Variants in MLLT10 observed in about 807,000 individuals in gnomAD.
MLLT10 encodes the protein MLLT10 histone lysine methyltransferase DOT1L cofactor.
A neutral mutation model predicts 129.1 loss-of-function variants in MLLT10; 30 were observed. That is an observed-to-expected ratio of 0.23 (90% CI 0.17 to 0.32). The LOEUF (loss-of-function observed/expected upper bound fraction) is 0.32, where lower values mean the gene tolerates loss of function less well. MLLT10 is among the 10% of genes least tolerant of loss of function. MLLT10 has a pLI of 1.00. For missense variants in MLLT10, 1,119 were observed against 1,268.3 expected (o/e 0.88, Z 1.79); for synonymous variants, 490 against 446.4 (o/e 1.10, Z -1.23).
intron 3 of MLLT10, among the ~76,000 whole-genome samples, chr10:21,559,425 A>T (rs567434072): frequency 6.6e-6 from 1 of 152,226 alleles, no homozygotes; most frequent in Non-Finnish European, 1.5e-5. Context: ...ATCCATGAAC[A>T]TGGTAATCTG....
intron 3 of MLLT10, among the ~76,000 whole-genome samples, chr10:21,585,672 C>T (rs1297100903): frequency 3.3e-5 from 5 of 152,154 alleles, no homozygotes; most frequent in Admixed American, 1.3e-4. Flanking sequence ...GTTGAGAGGA[C>T]CTTTTTGTTT....
chr10:21,637,562 G>A (rs191137967), intron 8 of MLLT10, among the ~76,000 whole-genome samples: 1 of 152,176 alleles, frequency 6.6e-6, no homozygotes, highest in Non-Finnish European at 1.5e-5. Flanking sequence ...GAGCTATTGA[G>A]ACTGAGGCTT....
At chr10:21,732,700 G>A (rs2058063447) in intron 17 of MLLT10, among the ~76,000 whole-genome samples, 199 bp from the exon 18 acceptor site, 1 of 152,084 alleles carries the variant, frequency 6.6e-6, no homozygotes, top group Admixed American at 6.5e-5. Flanking sequence ...CTTTGCCTTT[G>A]TGCTTATAAA....
intron 3 of MLLT10, among the ~76,000 whole-genome samples, chr10:21,580,349 C>T (rs1342228683): frequency 2.7e-5 from 4 of 150,350 alleles, no homozygotes; most frequent in Admixed American, 1.3e-4. Context: ...CACTCATAAT[C>T]TTACCATCCT....
At chr10:21,628,172 A>G (rs1201539774) in intron 8 of MLLT10, among the ~76,000 whole-genome samples, 1 of 152,160 alleles carries the variant, frequency 6.6e-6, no homozygotes, top group Non-Finnish European at 1.5e-5. Context: ...CAGCGCCTGC[A>G]TTTTCAGGTT....
In MLLT10 at chr10:21,612,196, CA is replaced by C. The variant is rs796679306; in HGVS notation, c.406-147del. 4.6e-5 allele frequency: 24 copies of C among 522,818 alleles called. 1 individual carries two copies. The Admixed American group carries it at 6.6e-4, about 14-fold the overall frequency. 32.4% of individuals were successfully genotyped at this position (522,818 alleles called of 1,614,324 possible). Reference sequence around the variant, plus strand: ...TATATTTTTCTGTTTGTATTGTATGCAAAAATTAGATTATTGTCCAAAATGA... The same window carrying C: ...TATATTTTTCTGTTTGTATTGTATGCAAAATTAGATTATTGTCCAAAATGA... On this transcript the variant is annotated intron_variant, in intron 5 of 22. Transcript: ENST00000307729.
intron 3 of MLLT10, among the ~76,000 whole-genome samples, chr10:21,582,710 C>T (rs570756765): frequency 4.2e-4 from 64 of 152,134 alleles, no homozygotes; most frequent in Non-Finnish European, 7.8e-4. Context: ...AGAGGAAGGG[C>T]ACAATACAGT....
chr10:21,721,424 A>G (rs1463130338), intron 14 of MLLT10, among the ~76,000 whole-genome samples: 2 of 152,318 alleles, frequency 1.3e-5, no homozygotes, highest in East Asian at 3.9e-4. Flanking sequence ...TAAGTTTCAC[A>G]TTCAGTTAAT....
chr10:21,635,906 G>A (rs1262861860), intron 8 of MLLT10, among the ~76,000 whole-genome samples: 16 of 148,268 alleles, frequency 1.1e-4, no homozygotes, highest in Middle Eastern at 3.5e-3. Context: ...GATTACAAGC[G>A]TGAGCCGCTG....
rs1400273409 is a variant in MLLT10, at chr10:21,534,308, C to CG, written c.-213_-212insG. On this transcript the variant is annotated 5_prime_UTR_variant, in exon 1 of 23. Coordinates refer to ENST00000307729, the MANE Select transcript of MLLT10 (RefSeq NM_001195626.3). ...TCGCTGCCCCTGGCCCAGCGGGAGC[C>CG]CCCCCTCCCCCCAGTGCGCCTGTGC... 12 of 381,872 alleles carry CG rather than the reference C, an allele frequency of 3.1e-5. No individual in the cohort carries two copies. Among genetic ancestry groups the CG allele is most frequent in the Non-Finnish European group, 5.2e-5 (11 of 213,382 alleles). The allele number at this position is 381,872 out of a possible 1,614,324, so 23.7% of individuals were successfully genotyped here.
At chr10:21,687,662 G>C (rs141756328) in intron 13 of MLLT10, among the ~76,000 whole-genome samples, 1 of 152,120 alleles carries the variant, frequency 6.6e-6, no homozygotes, top group Non-Finnish European at 1.5e-5. Context: ...GGATAATTAG[G>C]TTAAAAAAAG....
chr10:21,636,560 A>T (rs960900850), intron 8 of MLLT10, among the ~76,000 whole-genome samples: 2 of 151,422 alleles, frequency 1.3e-5, no homozygotes, highest in Non-Finnish European at 1.5e-5. Context: ...ATAGTGCCTA[A>T]TATGATTTCT....
chr10:21,664,578 C>T (rs1026551584), intron 9 of MLLT10, among the ~76,000 whole-genome samples: 103 of 151,504 alleles, frequency 6.8e-4, no homozygotes, highest in African/African-American at 2.3e-3. Context: ...TACAGGCGTG[C>T]CCGGCTCTAT....
intron 8 of MLLT10, among the ~76,000 whole-genome samples, chr10:21,618,364 C>T (rs1437626680): frequency 6.6e-6 from 1 of 151,584 alleles, no homozygotes. Context: ...TTATTCGGGC[C>T]TGGTGGTGGT....
rs369977561 is a variant in MLLT10 at position 21,725,718 on chromosome 10, C to CAAA, written c.1879-509_1879-507dup. Among the ~76,000 whole-genome samples the CAAA allele has an allele frequency of 2.7e-3, 260 of 95,652 alleles. 2 individuals are homozygous for CAAA. Among genetic ancestry groups the CAAA allele is most frequent in the African/African-American group, 0.01 (238 of 23,648 alleles). 62.8% of individuals were successfully genotyped at this position (95,652 alleles called of 152,430 possible). A position where few individuals can be genotyped will look rare whatever the true frequency, so the allele number is the denominator to read the frequency against. ...CCTGGGTAAGAGTGAAACTCTTTCT[C>CAAA]AAAAAAAAAAAAAAAAAAATTGTAG... On this transcript the variant is annotated intron_variant, in intron 14 of 22. Coordinates refer to ENST00000307729, the MANE Select transcript of MLLT10 (RefSeq NM_001195626.3).
In MLLT10 at chr10:21,689,565, G is replaced by GTATATATATATATGTATATA. The variant is rs1554850062; in HGVS notation, c.1699+7321_1699+7322insGTATATATATATATATATAT. 4.4e-5 allele frequency among the ~76,000 whole-genome samples: 5 copies of GTATATATATATATGTATATA among 113,456 alleles called. No homozygotes were observed. The East Asian group carries it at 1.3e-3, about 31-fold the overall frequency. 74.4% of individuals were successfully genotyped at this position (113,456 alleles called of 152,430 possible). On this transcript the variant is annotated intron_variant, in intron 13 of 22. Coordinates refer to ENST00000307729, the MANE Select transcript of MLLT10 (RefSeq NM_001195626.3). ...TAAAGTAATATATATATATATATAT[G>GTATATATATATATGTATATA]TATATATATATATATATATATATAG...
At chr10:21,710,608 G>A (rs1368633580) in intron 13 of MLLT10, among the ~76,000 whole-genome samples, 1 of 152,118 alleles carries the variant, frequency 6.6e-6, no homozygotes, top group Non-Finnish European at 1.5e-5. Context: ...TGAATTTCCT[G>A]CTGGGTTTTA....
intron 12 of MLLT10, among the ~76,000 whole-genome samples, chr10:21,681,946 T>C (rs1474791339): frequency 6.6e-6 from 1 of 152,206 alleles, no homozygotes; most frequent in Non-Finnish European, 1.5e-5. Flanking sequence ...TAAAAAGTGA[T>C]TTGAAATACA....
chr10:21,685,883 A>C (rs1489276551), intron 13 of MLLT10, among the ~76,000 whole-genome samples: 1 of 152,208 alleles, frequency 6.6e-6, no homozygotes, highest in African/African-American at 2.4e-5. Flanking sequence ...AATTATGGCA[A>C]GCCTATTAGA....
Sources: gnomAD v4.1 joint callset for allele counts (sites outside exome capture counted in the v4.1 genomes callset) on GRCh38, gnomAD v4.1.1 for gene constraint, MANE v1.5 for transcripts, NCBI Gene and HGNC (gene_info 2026-07-23, HGNC 2026-07-21) for gene names.